Variants in ARSG observed in about 807,000 individuals in gnomAD.
ARSG encodes ASG.
A neutral mutation model predicts 50.5 loss-of-function variants in ARSG; 37 were observed. The ratio of observed to expected loss-of-function variants is 0.73; its 90% CI spans 0.56 to 0.96. The LOEUF is 0.96. Among genes scored for constraint, ARSG ranks in the 50% least tolerant of loss-of-function variants. The pLI, the probability that ARSG is intolerant of heterozygous loss-of-function variation, is 0.00. For missense variants in ARSG, 629 were observed against 675.3 expected, an observed-to-expected ratio of 0.93 and a Z score of 0.76; for synonymous variants, 225 against 254.6, an observed-to-expected ratio of 0.88 and a Z score of 1.11.
At chr17:68,283,793 A>T (rs782372193) in intron 1 of ARSG, among the ~76,000 whole-genome samples, 1 of 148,232 alleles carries the variant, frequency 6.7e-6, no homozygotes, top group Non-Finnish European at 1.5e-5. Context: ...CAGGAGAATC[A>T]CTTGAACCTG....
intron 1 of ARSG, among the ~76,000 whole-genome samples, chr17:68,296,678 C>T (rs2076220061): frequency 6.6e-6 from 1 of 152,168 alleles, no homozygotes; most frequent in Admixed American, 6.5e-5. Context: ...TCCGTCCATC[C>T]ACCCAAGCGG....
chr17:68,335,263 A>G (rs2077962754), intron 2 of ARSG, among the ~76,000 whole-genome samples: 1 of 152,098 alleles, frequency 6.6e-6, no homozygotes, highest in African/African-American at 2.4e-5. Context: ...GTTGAGTGTT[A>G]TAAGAGATAT....
At chr17:68,385,931 AG>A (rs1297125571) in intron 9 of ARSG, among the ~76,000 whole-genome samples, 2 of 152,176 alleles carry the variant, frequency 1.3e-5, no homozygotes, top group Non-Finnish European at 1.5e-5. Flanking sequence ...TGGCCCCTCC[AG>A]GCCATTAGGG....
At chr17:68,314,659 A>G (rs192179352) in intron 2 of ARSG, among the ~76,000 whole-genome samples, 48 of 152,294 alleles carry the variant, frequency 3.2e-4, no homozygotes, top group African/African-American at 1.1e-3. Context: ...GTGAGCTATG[A>G]TCATGCCATT....
chr17:68,450,267 G>C, the ARSG span, among the ~76,000 whole-genome samples: 1 of 152,208 alleles, frequency 6.6e-6, no homozygotes, highest in South Asian at 2.1e-4. Flanking sequence ...GGTGGGAGAA[G>C]GGCAGCTTTC....
rs1376724423 is a variant in ARSG, at chr17:68,271,908, T to G, written c.-552+12482T>G. On this transcript the variant is annotated intron_variant, in intron 1 of 11. Transcript: ENST00000448504. The surrounding 1 kb of genome is among the most constrained non-coding windows in gnomAD (Gnocchi z 5.3). ...ACCTCCACCTCCCGGGTTCAAGCGA[T>G]TCTCCTGCCTCAGCCTCCTGAGTAG... Among the ~76,000 whole-genome samples the G allele has an allele frequency of 6.6e-6, 1 of 152,212 alleles. No homozygotes were observed. The highest frequency in any genetic ancestry group is 2.4e-5 in the African/African-American group (1 of 41,466).
chr17:68,355,530 T>C (rs2078991743), intron 5 of ARSG, among the ~76,000 whole-genome samples: 1 of 152,076 alleles, frequency 6.6e-6, no homozygotes, highest in Admixed American at 6.6e-5. Flanking sequence ...AATTTTTGTA[T>C]TTTTAGTAGA....
intron 6 of ARSG, among the ~76,000 whole-genome samples, chr17:68,358,039 C>T (rs191119821): frequency 2.0e-4 from 30 of 151,806 alleles, no homozygotes; most frequent in Admixed American, 1.4e-3. Context: ...TCTGTCGCTA[C>T]AAGCAATACA....
intron 6 of ARSG, among the ~76,000 whole-genome samples, chr17:68,365,599 T>C (rs1206812726): frequency 6.6e-6 from 1 of 152,168 alleles, no homozygotes; most frequent in African/African-American, 2.4e-5. Context: ...GGTGAGAGTT[T>C]GGAAGATGAT....
the ARSG span, chr17:68,428,478 C>T: frequency 4.9e-4 from 101 of 206,328 alleles, no homozygotes; most frequent in African/African-American, 2.2e-3. Flanking sequence ...AGCCATCCAC[C>T]CGCTTCGGCC....
At chr17:68,329,983 G>A (rs1213812806) in intron 2 of ARSG, among the ~76,000 whole-genome samples, 1 of 152,166 alleles carries the variant, frequency 6.6e-6, no homozygotes, top group Non-Finnish European at 1.5e-5. Flanking sequence ...GCCAAGACGG[G>A]TGGATCACCT....
At chr17:68,262,436 A>G (rs1555745430) in intron 1 of ARSG, among the ~76,000 whole-genome samples, 1 of 152,020 alleles carries the variant, frequency 6.6e-6, no homozygotes, top group African/African-American at 2.4e-5. Flanking sequence ...GCACCACTGC[A>G]CTCCAACCTG....
chr17:68,368,644 C>G lies in ARSG; in HGVS notation c.801C>G (p.Ser267Arg). 6.2e-7 allele frequency: 1 copy of G among 1,614,224 alleles called. No homozygotes were observed. The highest frequency in any genetic ancestry group is 1.3e-5 in the African/African-American group (1 of 75,072). ...TQLPAAPRGR[S>R]LYGAGLWEMD... Reference sequence around the variant, plus strand: ...TACCAGCAGCGCCACGGGGCAGAAGCCTGTATGGTGCAGGGCTCTGGGAGA... The same window carrying G: ...TACCAGCAGCGCCACGGGGCAGAAGGCTGTATGGTGCAGGGCTCTGGGAGA... The change falls in exon 7 of 12, where the codon AGC (serine) becomes AGG (arginine). Residue 267 changes from serine to arginine, a missense_variant. Physicochemically the swap from Ser to Arg is moderately radical, Grantham distance 110 (BLOSUM62 -1). Transcript: ENST00000621439.
downstream of ARSG, chr17:68,421,766 C>T: frequency 1.2e-6 from 2 of 1,614,180 alleles, no homozygotes; most frequent in Non-Finnish European, 1.7e-6. Flanking sequence ...CTGAGGTGTG[C>T]TTCTCATCAT....
intron 6 of ARSG, chr17:68,359,374 A>G (rs2079180261): frequency 6.6e-6 from 1 of 152,236 alleles, no homozygotes; most frequent in Non-Finnish European, 1.5e-5. Flanking sequence ...GCAAGTGCAC[A>G]CACACACGTG....
intron 10 of ARSG, chr17:68,401,105 C>A: frequency 2.2e-6 from 1 of 464,140 alleles, no homozygotes; most frequent in Non-Finnish European, 3.9e-6. Flanking sequence ...CTCACTGCAG[C>A]GTTGACCTCC....
chr17:68,410,921 G>T (rs1045259628), intron 11 of ARSG, among the ~76,000 whole-genome samples: 3 of 152,096 alleles, frequency 2.0e-5, no homozygotes, highest in African/African-American at 7.2e-5. Flanking sequence ...AGAGGTGTTT[G>T]TAGTATTCTC....
At chr17:68,344,622 A>G (rs1411474688) in intron 3 of ARSG, among the ~76,000 whole-genome samples, 1 of 152,246 alleles carries the variant, frequency 6.6e-6, no homozygotes, top group Non-Finnish European at 1.5e-5. Context: ...CTAGGCAGGT[A>G]TATCTGTTCC....
At position 68,399,137 on chromosome 17, in the gene ARSG, G is replaced by T. The variant is rs1467686326; in HGVS notation, c.1213-2223G>T. 1.3e-5 allele frequency among the ~76,000 whole-genome samples: 2 copies of T among 152,194 alleles called. No individual in the cohort carries two copies. The highest frequency in any genetic ancestry group is 2.9e-5 in the Non-Finnish European group (2 of 68,044). On this transcript the variant is annotated intron_variant, in intron 10 of 11. Coordinates refer to ENST00000621439, the MANE Select transcript of ARSG (RefSeq NM_001267727.2). The surrounding 1 kb of genome is among the most constrained non-coding windows in gnomAD (Gnocchi z 4.6). ...CTGGGGCTGCTGTGGGTCATCAAAT[G>T]CTTGACACGCCCCTGGAGGCCATAC...
Sources: gnomAD v4.1 joint callset for allele counts (sites outside exome capture counted in the v4.1 genomes callset) on GRCh38, gnomAD v4.1.1 for gene constraint, Gnocchi (gnomAD v3.1) non-coding constraint, MANE v1.5 for transcripts, NCBI Gene and HGNC (gene_info 2026-07-23, HGNC 2026-07-21) for gene names.